Variants in SOX6 observed in about 807,000 individuals in gnomAD.
The protein encoded by SOX6 is transcription factor SOX-6.
SOX6 carries 11 observed loss-of-function variants against 97.8 expected under a neutral mutation model. The observed-to-expected ratio is 0.11, with a 90% CI of 0.07 to 0.19. The LOEUF is 0.19. Ranked by LOEUF, SOX6 falls within the 10% of genes least tolerant of loss-of-function variation. SOX6 has a pLI of 1.00. For synonymous variants in SOX6, 360 were observed against 371.4 expected, an observed-to-expected ratio of 0.97 and a Z score of 0.35; for missense variants, 810 against 1,039.5, an observed-to-expected ratio of 0.78 and a Z score of 3.04.
intron 12 of SOX6, among the ~76,000 whole-genome samples, chr11:16,029,492 C>T (rs144843937): frequency 1.9e-3 from 289 of 152,122 alleles, no homozygotes; most frequent in African/African-American, 6.7e-3. Context: ...AAAAATTAGC[C>T]GGGCGTGGTA....
chr11:16,737,201 ATTATTTAT>A (rs757138475), intron 1 of SOX6, among the ~76,000 whole-genome samples: 2 of 151,924 alleles, frequency 1.3e-5, no homozygotes, highest in Non-Finnish European at 2.9e-5. Flanking sequence ...CATACCACTT[ATTATTTAT>A]TTATTTATTT....
In SOX6 at chr11:16,511,013, T is replaced by C. The variant is rs532647917; in HGVS notation, n.610-34625A>G. Among the ~76,000 whole-genome samples, 19 of 152,128 alleles carry C rather than the reference T, an allele frequency of 1.2e-4. No individual in the cohort carries two copies. In the East Asian group the frequency reaches 2.5e-3, roughly 20 times the overall value. ...ATCAGCTTGCAATTTGAAATTATCG[T>C]TGGGGAAAAGGGAAGGATACTAAGA... On this transcript the variant is annotated intron_variant and non_coding_transcript_variant, in intron 4 of 5. Coordinates refer to the SOX6 transcript ENST00000524520.
chr11:16,524,659 G>T (rs1252196818), intron 4 of SOX6, among the ~76,000 whole-genome samples: 2 of 151,824 alleles, frequency 1.3e-5, no homozygotes, highest in African/African-American at 4.8e-5. Context: ...AGGAAATAAA[G>T]GGTATTCAAT....
intron 12 of SOX6, among the ~76,000 whole-genome samples, chr11:16,043,309 T>G (rs911160116): frequency 6.6e-6 from 1 of 152,138 alleles, no homozygotes; most frequent in Non-Finnish European, 1.5e-5. Context: ...AGACATCTGC[T>G]GGCAGGACAC....
intron 9 of SOX6, among the ~76,000 whole-genome samples, chr11:16,071,773 C>A (rs961810292): frequency 6.6e-6 from 1 of 152,036 alleles, no homozygotes; most frequent in Non-Finnish European, 1.5e-5. Flanking sequence ...CCCCATAGAC[C>A]AGAACACCTA....
chr11:16,029,921 C>T (rs1394320452), intron 12 of SOX6, among the ~76,000 whole-genome samples: 2 of 152,036 alleles, frequency 1.3e-5, no homozygotes, highest in Admixed American at 6.6e-5. Flanking sequence ...AGTGTATAAC[C>T]TAGGAAAGGA....
At chr11:16,637,995 G>A (rs1446679440) in intron 3 of SOX6, among the ~76,000 whole-genome samples, 2 of 149,934 alleles carry the variant, frequency 1.3e-5, no homozygotes, top group African/African-American at 4.9e-5. Context: ...CATGTGCCAT[G>A]TTGGTGTGCT....
rs1288770479 is a variant in SOX6, at chr11:16,605,276, C to A, written n.609+6805G>T. On this transcript the variant is annotated intron_variant and non_coding_transcript_variant, in intron 4 of 5. Coordinates refer to the SOX6 transcript ENST00000524520. This position sits in a 1 kb window ranked among gnomAD's most constrained non-coding sequence, Gnocchi z 5.3. The stretch of plus-strand genomic sequence containing the variant: ...ACGTGCCGGCGACCGTGCGCTCGGC[C>A]GGGTGACTCCCTGGCGAAGTCCGCG... Among the ~76,000 whole-genome samples the A allele has an allele frequency of 6.6e-6, 1 of 152,058 alleles. No individual in the cohort carries two copies. The highest frequency in any genetic ancestry group is 6.5e-5 in the Admixed American group (1 of 15,278).
intron 3 of SOX6, among the ~76,000 whole-genome samples, chr11:16,307,050 G>A (rs11023908): frequency 0.17 from 25,724 of 152,124 alleles, 2,657 homozygotes; most frequent in Admixed American, 0.29. Context: ...ATATGTTTGC[G>A]CAAGTGCAAA....
intron 4 of SOX6, among the ~76,000 whole-genome samples, chr11:16,541,174 T>C (rs1056290164): frequency 1.3e-5 from 2 of 152,150 alleles, no homozygotes; most frequent in Non-Finnish European, 2.9e-5. Context: ...ACCACACATC[T>C]ACAGCCATCT....
intron 4 of SOX6, among the ~76,000 whole-genome samples, chr11:16,200,142 T>C (rs919924704): frequency 6.6e-6 from 1 of 152,138 alleles, no homozygotes; most frequent in Non-Finnish European, 1.5e-5. Flanking sequence ...AGTTATACTT[T>C]AGATAAAAAA....
chr11:16,403,334 T>G (rs1288749836), intron 1 of SOX6, among the ~76,000 whole-genome samples: 1 of 151,722 alleles, frequency 6.6e-6, no homozygotes, highest in Non-Finnish European at 1.5e-5. Context: ...AACCTATTGT[T>G]GTGGACTTGA....
At position 16,462,931 on chromosome 11, in the gene SOX6, T is replaced by C. The variant is rs76277382; in HGVS notation, c.-5+13384A>G. Among the ~76,000 whole-genome samples, 1,135 of 152,290 alleles carry C rather than the reference T, an allele frequency of 7.5e-3. 15 individuals carry two copies. The highest frequency in any genetic ancestry group is 0.025 in the African/African-American group (1,019 of 41,550). Reference sequence around the variant, plus strand: ...AAAAATCAAGACCCTGGAATCTGTATTTCTAGAGAGAACTATCACCATAAG... The same window carrying C: ...AAAAATCAAGACCCTGGAATCTGTACTTCTAGAGAGAACTATCACCATAAG... On this transcript the variant is annotated intron_variant, in intron 1 of 15. Coordinates refer to the SOX6 transcript ENST00000396356.
intron 1 of SOX6, among the ~76,000 whole-genome samples, chr11:16,465,496 GA>G (rs1379473905): frequency 2.0e-5 from 3 of 152,050 alleles, no homozygotes; most frequent in Admixed American, 6.5e-5. Flanking sequence ...TTTGTTCAGT[GA>G]AACATCAGAA....
intron 6 of SOX6, 140 bp downstream of exon 6, chr11:16,183,746 A>G: frequency 1.4e-6 from 1 of 709,554 alleles, no homozygotes. Flanking sequence ...ATTCAATTAT[A>G]GAATTGTGCA....
intron 1 of SOX6, among the ~76,000 whole-genome samples, chr11:16,419,115 G>C (rs1304030423): frequency 1.3e-5 from 2 of 152,102 alleles, no homozygotes; most frequent in Non-Finnish European, 2.9e-5. Flanking sequence ...AATGCAACTT[G>C]GCACAGATTT....
At chr11:16,436,260 TCTC>T (rs1002602084) in intron 1 of SOX6, among the ~76,000 whole-genome samples, 2 of 152,194 alleles carry the variant, frequency 1.3e-5, no homozygotes, top group Non-Finnish European at 1.5e-5. Flanking sequence ...ACTGAAATTC[TCTC>T]CTCTTTTGAC....
chr11:16,140,569 T>C (rs1324165853), intron 6 of SOX6, among the ~76,000 whole-genome samples: 1 of 152,166 alleles, frequency 6.6e-6, no homozygotes, highest in Non-Finnish European at 1.5e-5. Flanking sequence ...AAAATGAACA[T>C]AATGTGGTTC....
chr11:16,006,746 C>T lies in SOX6; in HGVS notation c.1732+8196G>A, dbSNP rs1274511019. 5.3e-5 allele frequency among the ~76,000 whole-genome samples: 8 copies of T among 152,164 alleles called. No homozygotes were observed. The East Asian group carries it at 1.2e-3, about 22-fold the overall frequency. On this transcript the variant is annotated intron_variant, in intron 13 of 15. Coordinates refer to ENST00000683767, the MANE Select transcript of SOX6 (RefSeq NM_001367873.1). ...TAAACTGCTTTGGTTTTTATGTATA[C>T]TAAGCTTGTAATCCCAACTACATTA...
Sources: allele counts gnomAD v4.1 joint callset (sites outside exome capture counted in the v4.1 genomes callset), GRCh38; gene constraint gnomAD v4.1.1; non-coding constraint Gnocchi (gnomAD v3.1); transcripts MANE v1.5; gene names NCBI Gene and HGNC (gene_info 2026-07-23, HGNC 2026-07-21).